The following NYAP2 variants were observed in gnomAD, a reference collection of about 807,000 sequenced individuals.
NYAP2 encodes neuronal tyrosine-phosphorylated phosphoinositide-3-kinase adaptor 2, also known as neuronal tyrosine-phosphorylated phosphoinositide-3-kinase adapter 2.
NYAP2 carries 23 observed loss-of-function variants against 50.4 expected under a neutral mutation model. The ratio of observed to expected loss-of-function variants is 0.46; its 90% CI spans 0.33 to 0.65. The LOEUF (loss-of-function observed/expected upper bound fraction) is 0.65, where lower values mean the gene tolerates loss of function less well. Ranked by LOEUF, NYAP2 falls within the 30% of genes least tolerant of loss-of-function variation. The probability of loss-of-function intolerance (pLI) is 0.02; values close to 1 mark genes in which losing one functional copy is unlikely to be tolerated. For synonymous variants in NYAP2, 394 were observed against 365.2 expected (o/e 1.08, Z -0.90); for missense variants, 885 against 861.0 (o/e 1.03, Z -0.35).
chr2:225,625,708 G>A (rs909571614), intron 5 of NYAP2, among the ~76,000 whole-genome samples: 3 of 152,116 alleles, frequency 2.0e-5, no homozygotes, highest in Non-Finnish European at 4.4e-5. Context: ...AAAGCTAGAG[G>A]GGAAGGAAAG....
At chr2:225,523,945 G>A (rs1230842532) in intron 4 of NYAP2, among the ~76,000 whole-genome samples, 2 of 152,052 alleles carry the variant, frequency 1.3e-5, no homozygotes, top group Non-Finnish European at 2.9e-5. Flanking sequence ...TAACAAAAAT[G>A]TACACTGAGG....
the NYAP2 span, chr2:225,700,321 G>A: frequency 6.6e-6 from 1 of 151,908 alleles, no homozygotes; most frequent in East Asian, 1.9e-4. Flanking sequence ...GTGTGTGTGA[G>A]TGTGTGTGTA....
chr2:225,641,823 A>T (rs1248958013), intron 6 of NYAP2, among the ~76,000 whole-genome samples: 1 of 152,178 alleles, frequency 6.6e-6, no homozygotes, highest in Non-Finnish European at 1.5e-5. Context: ...CATCTCAAAA[A>T]ATAAAAAAAG....
intron 5 of NYAP2, among the ~76,000 whole-genome samples, chr2:225,612,237 A>T (rs1479499426): frequency 6.7e-6 from 1 of 149,612 alleles, no homozygotes; most frequent in Non-Finnish European, 1.5e-5. Context: ...TCATTATACC[A>T]CTCTTCCTGT....
chr2:225,504,019 G>A (rs141735121), intron 3 of NYAP2, among the ~76,000 whole-genome samples: 13 of 152,270 alleles, frequency 8.5e-5, no homozygotes, highest in African/African-American at 2.9e-4. Flanking sequence ...TATTAAAAAT[G>A]GCTATTTGAT....
chr2:225,628,747 C>T (rs1354489355), intron 6 of NYAP2, among the ~76,000 whole-genome samples: 1 of 152,058 alleles, frequency 6.6e-6, no homozygotes, highest in East Asian at 1.9e-4. Context: ...AAAATTTGTA[C>T]CAATTCTATT....
chr2:225,600,948 T>C (rs1198405999), intron 5 of NYAP2, among the ~76,000 whole-genome samples: 1 of 152,178 alleles, frequency 6.6e-6, no homozygotes, highest in Non-Finnish European at 1.5e-5. Flanking sequence ...CATTTATTCA[T>C]ACATCCATTG....
chr2:225,641,466 CACAA>C (rs1323410704), intron 6 of NYAP2, among the ~76,000 whole-genome samples: 2 of 130,866 alleles, frequency 1.5e-5, no homozygotes, highest in African/African-American at 5.9e-5. Context: ...CACACACACA[CACAA>C]ACACACACAC....
chr2:225,563,476 T>A (rs2106217140), intron 4 of NYAP2, among the ~76,000 whole-genome samples: 1 of 152,184 alleles, frequency 6.6e-6, no homozygotes, highest in Admixed American at 6.5e-5. Flanking sequence ...CATTGTGAGA[T>A]GTGGCTGGAG....
intron 4 of NYAP2, among the ~76,000 whole-genome samples, chr2:225,525,167 G>C (rs1691129848): frequency 6.6e-6 from 1 of 152,184 alleles, no homozygotes; most frequent in South Asian, 2.1e-4. Context: ...ATGGAAAATT[G>C]TATGGGCATT....
chr2:225,532,155 T>C (rs1691265573), intron 4 of NYAP2, among the ~76,000 whole-genome samples: 1 of 152,232 alleles, frequency 6.6e-6, no homozygotes, highest in Admixed American at 6.5e-5. Context: ...TCTATCATAT[T>C]CTTAGAGGAC....
intron 6 of NYAP2, among the ~76,000 whole-genome samples, chr2:225,638,324 T>C (rs1438817861): frequency 1.3e-5 from 2 of 152,022 alleles, no homozygotes; most frequent in East Asian, 1.9e-4. Flanking sequence ...AATGGAACCA[T>C]TCAGAAAAGT....
chr2:225,425,373 C>G (rs565581015), intron 3 of NYAP2, among the ~76,000 whole-genome samples: 2 of 152,260 alleles, frequency 1.3e-5, no homozygotes, highest in African/African-American at 4.8e-5. Flanking sequence ...GAGCATATCT[C>G]ACTAGGAATT....
intron 4 of NYAP2, among the ~76,000 whole-genome samples, chr2:225,520,711 C>G (rs1287140099): frequency 1.3e-5 from 2 of 152,140 alleles, no homozygotes; most frequent in Non-Finnish European, 2.9e-5. Context: ...TAGCGTGATG[C>G]CTCCAGCTTT....
At chr2:225,462,496 C>T (rs146231020) in intron 3 of NYAP2, among the ~76,000 whole-genome samples, 10 of 152,250 alleles carry the variant, frequency 6.6e-5, no homozygotes, top group African/African-American at 2.4e-4. Context: ...GCTCCAGTTT[C>T]CAATTCTTCC....
At chr2:225,491,518 T>C (rs1239847860) in intron 3 of NYAP2, among the ~76,000 whole-genome samples, 1 of 152,232 alleles carries the variant, frequency 6.6e-6, no homozygotes, top group Non-Finnish European at 1.5e-5. Flanking sequence ...TTTCTTGAAA[T>C]CTAGATTTAA....
rs1486909193 is a variant in NYAP2 at position 225,528,056 on chromosome 2, A to G, written c.523+14384A>G. 4.6e-5 allele frequency among the ~76,000 whole-genome samples: 7 copies of G among 152,270 alleles called. No homozygotes were observed. In the East Asian group the frequency reaches 1.4e-3, roughly 29 times the overall value. On this transcript the variant is annotated intron_variant, in intron 4 of 6. Coordinates refer to ENST00000636099, the Ensembl canonical transcript of NYAP2. ...CCTAACTTAATCAAAGGAATGAAATACCATCATATTCATGGTCCTGCTTCT... is the reference window on the plus strand; with the variant it reads ...CCTAACTTAATCAAAGGAATGAAATGCCATCATATTCATGGTCCTGCTTCT...
intron 5 of NYAP2, among the ~76,000 whole-genome samples, chr2:225,622,551 T>TTC (rs770183933): frequency 5.2e-5 from 2 of 38,360 alleles, no homozygotes; most frequent in Non-Finnish European, 1.1e-4. Flanking sequence ...CTTTCTTTCT[T>TTC]TCTTTCTTTT....
chr2:225,605,642 T>C (rs969318083), intron 5 of NYAP2, among the ~76,000 whole-genome samples: 2 of 152,014 alleles, frequency 1.3e-5, no homozygotes, highest in African/African-American at 4.8e-5. Flanking sequence ...TTTATGAAGT[T>C]GGGGAATAAT....
Sources: gnomAD v4.1 joint callset for allele counts (sites outside exome capture counted in the v4.1 genomes callset) on GRCh38, gnomAD v4.1.1 for gene constraint, MANE v1.5 for transcripts, NCBI Gene and HGNC (gene_info 2026-07-23, HGNC 2026-07-21) for gene names.